Variants in MAP7 observed in about 807,000 individuals in gnomAD.
MAP7 encodes the protein ensconsin.
A neutral mutation model predicts 94.8 loss-of-function variants in MAP7; 52 were observed. That is an observed-to-expected ratio of 0.55 (90% CI 0.44 to 0.69). The LOEUF (loss-of-function observed/expected upper bound fraction) is 0.69. Ranked by LOEUF, MAP7 falls within the 30% of genes least tolerant of loss-of-function variation. MAP7 has a pLI of 0.00. For synonymous variants in MAP7, 350 were observed against 357.0 expected (o/e 0.98, Z 0.22); for missense variants, 940 against 964.6 (o/e 0.97, Z 0.34).
chr6:136,536,573 A>G (rs1250700590), intron 1 of MAP7, among the ~76,000 whole-genome samples: 1 of 152,230 alleles, frequency 6.6e-6, no homozygotes, highest in African/African-American at 2.4e-5. Flanking sequence ...AATCAAAATC[A>G]TAATAAAAAT....
intron 1 of MAP7, among the ~76,000 whole-genome samples, chr6:136,523,440 C>T (rs1449028569): frequency 6.6e-6 from 1 of 152,234 alleles, no homozygotes; most frequent in Admixed American, 6.5e-5. Flanking sequence ...TCAAGCTCTG[C>T]AGCTGTGGCT....
intron 1 of MAP7, among the ~76,000 whole-genome samples, chr6:136,431,755 T>C (rs1390221569): frequency 6.6e-6 from 1 of 152,128 alleles, no homozygotes; most frequent in African/African-American, 2.4e-5. Context: ...TCACCCCAGG[T>C]GATCCTCGCA....
intron 1 of MAP7, among the ~76,000 whole-genome samples, chr6:136,464,742 C>T (rs747660902): frequency 3.9e-5 from 6 of 152,152 alleles, no homozygotes; most frequent in African/African-American, 1.4e-4. Flanking sequence ...CCTACTTTGC[C>T]GTGCTATTGA....
intron 1 of MAP7, among the ~76,000 whole-genome samples, chr6:136,443,371 A>G (rs755922095): frequency 2.6e-5 from 4 of 152,038 alleles, no homozygotes; most frequent in Non-Finnish European, 5.9e-5. Flanking sequence ...ATATGTCTAC[A>G]TGGAGGGTTA....
intron 1 of MAP7, among the ~76,000 whole-genome samples, chr6:136,428,803 T>A (rs187651871): frequency 1.3e-5 from 2 of 152,166 alleles, no homozygotes; most frequent in Admixed American, 6.5e-5. Context: ...CTATGATAAT[T>A]TTCCACTTGA....
intron 1 of MAP7, among the ~76,000 whole-genome samples, chr6:136,482,337 G>A (rs535715061): frequency 2.6e-5 from 4 of 152,292 alleles, no homozygotes; most frequent in African/African-American, 4.8e-5. Context: ...GGTGGCTCAC[G>A]CCTGTAATCC....
chr6:136,411,566 GTATTA>G, intron 3 of MAP7, 49 bp downstream of exon 3: 1 of 1,452,194 alleles, frequency 6.9e-7, no homozygotes, highest in Non-Finnish European at 9.4e-7. Context: ...AAAGACCACG[GTATTA>G]TAGTGACATC....
intron 1 of MAP7, among the ~76,000 whole-genome samples, chr6:136,441,029 T>C (rs927240770): frequency 4.6e-5 from 7 of 152,174 alleles, no homozygotes; most frequent in Non-Finnish European, 1.0e-4. Context: ...GATTTTCTTA[T>C]TTTTTAAAGC....
intron 6 of MAP7, among the ~76,000 whole-genome samples, chr6:136,383,353 T>C (rs75745092): frequency 6.6e-6 from 1 of 152,224 alleles, no homozygotes; most frequent in Non-Finnish European, 1.5e-5. Flanking sequence ...GAAATGTTCA[T>C]AACAAAGATT....
intron 1 of MAP7, among the ~76,000 whole-genome samples, chr6:136,544,779 T>A (rs1029565216): frequency 6.6e-6 from 1 of 152,054 alleles, no homozygotes; most frequent in South Asian, 2.1e-4. Context: ...AGCAGAGAGG[T>A]TTTTTTCCTG....
At chr6:136,409,450 G>T (rs948853579) in intron 3 of MAP7, among the ~76,000 whole-genome samples, 1 of 152,202 alleles carries the variant, frequency 6.6e-6, no homozygotes, top group African/African-American at 2.4e-5. Context: ...CACCAAAAAA[G>T]TTAAGCTGTA....
chr6:136,462,591 G>A (rs1156353282), intron 1 of MAP7, among the ~76,000 whole-genome samples: 2 of 152,186 alleles, frequency 1.3e-5, no homozygotes, highest in Non-Finnish European at 2.9e-5. Flanking sequence ...TAGGTGGAGG[G>A]AAAGTTAAAC....
chr6:136,492,043 G>C (rs933467570), intron 1 of MAP7, among the ~76,000 whole-genome samples: 46 of 152,144 alleles, frequency 3.0e-4, no homozygotes, highest in African/African-American at 1.1e-3. Flanking sequence ...AAGGTGATTA[G>C]GACATGTAAA....
chr6:136,400,193 G>T (rs940737594), intron 3 of MAP7, among the ~76,000 whole-genome samples: 2 of 152,110 alleles, frequency 1.3e-5, no homozygotes, highest in African/African-American at 2.4e-5. Flanking sequence ...GAGGCGGGCA[G>T]ATCACGAGGT....
chr6:136,482,619 C>T (rs562022916), intron 1 of MAP7, among the ~76,000 whole-genome samples: 8 of 151,238 alleles, frequency 5.3e-5, no homozygotes, highest in East Asian at 3.9e-4. Flanking sequence ...AAAAAACAGA[C>T]GCATGCATAT....
chr6:136,456,822 G>GAAGGAAGAAGAAGAAGAA (rs1554259490), intron 1 of MAP7, among the ~76,000 whole-genome samples: 4 of 69,036 alleles, frequency 5.8e-5, no homozygotes, highest in African/African-American at 1.3e-4. Context: ...AGAAGAAGAA[G>GAAGGAAGAAGAAGAAGAA]GAAGAAGAAG....
chr6:136,536,438 T>C (rs908191714), intron 1 of MAP7, among the ~76,000 whole-genome samples: 1 of 152,166 alleles, frequency 6.6e-6, no homozygotes, highest in African/African-American at 2.4e-5. Flanking sequence ...GATGGCAGCT[T>C]AGGAAGGATT....
chr6:136,346,063 T>C lies in MAP7; in HGVS notation c.2032A>G (p.Lys678Glu), dbSNP rs781191557. 2 of 1,611,368 alleles carry C rather than the reference T, an allele frequency of 1.2e-6. No individual in the cohort carries two copies. The highest frequency in any genetic ancestry group is 1.3e-5 in the African/African-American group (1 of 74,930). The change falls in exon 17 of 18, where the codon AAA becomes GAA. Residue 678 changes from lysine to glutamate, a missense_variant. Transcript: ENST00000354570. ...GATACACCATTTTCATTTGGTTGTT[T>C]TTCCAAATCGGGAGTGCTAAGGAAT... ...VTVESTPDLEKQPNENGVSVQ... is the reference protein window; with the variant it reads ...VTVESTPDLEEQPNENGVSVQ...
intron 1 of MAP7, among the ~76,000 whole-genome samples, chr6:136,521,508 C>A (rs1228455694): frequency 6.6e-6 from 1 of 152,078 alleles, no homozygotes; most frequent in East Asian, 1.9e-4. Context: ...AGTATTAGAT[C>A]TGGACATCAA....
Sources: allele counts gnomAD v4.1 joint callset (sites outside exome capture counted in the v4.1 genomes callset), GRCh38; gene constraint gnomAD v4.1.1; transcripts MANE v1.5; gene names NCBI Gene and HGNC (gene_info 2026-07-23, HGNC 2026-07-21).